CTDSPL: variants seen among roughly 807,000 people sequenced by gnomAD.
CTDSPL encodes CTD small phosphatase like.
In CTDSPL, 8 loss-of-function variants were observed where a neutral mutation model predicts 30.5. That is an observed-to-expected ratio of 0.26 (90% confidence interval 0.15 to 0.47). The LOEUF is 0.47. Ranked by LOEUF, CTDSPL falls within the 20% of genes least tolerant of loss-of-function variation. CTDSPL has a pLI of 0.99. For synonymous variants in CTDSPL, 110 were observed against 137.9 expected (o/e 0.80, Z 1.42); for missense variants, 248 against 366.1 (o/e 0.68, Z 2.63).
chr3:37,972,830 G>T (rs945565299), intron 6 of CTDSPL, among the ~76,000 whole-genome samples: 1 of 152,232 alleles, frequency 6.6e-6, no homozygotes, highest in African/African-American at 2.4e-5. Flanking sequence ...GTCTCCATGG[G>T]CATCTCAGGG....
At chr3:37,873,921 A>T (rs1171867360) in intron 1 of CTDSPL, among the ~76,000 whole-genome samples, 1 of 152,260 alleles carries the variant, frequency 6.6e-6, no homozygotes, top group African/African-American at 2.4e-5. Flanking sequence ...CTTCAAGTTC[A>T]TGAGTGTCCT....
chr3:37,889,154 G>T (rs1438005187), intron 1 of CTDSPL, among the ~76,000 whole-genome samples: 3 of 152,206 alleles, frequency 2.0e-5, no homozygotes, highest in Admixed American at 1.3e-4. Flanking sequence ...GCAGTAAGCA[G>T]GGAGGCCTTA....
intron 1 of CTDSPL, among the ~76,000 whole-genome samples, chr3:37,937,513 C>T (rs557905593): frequency 6.6e-6 from 1 of 150,628 alleles, no homozygotes; most frequent in East Asian, 1.9e-4. Flanking sequence ...GTTGAAGCAG[C>T]GCGAGACCCT....
At chr3:37,955,714 A>T (rs1400068226) in intron 2 of CTDSPL, among the ~76,000 whole-genome samples, 2 of 152,214 alleles carry the variant, frequency 1.3e-5, no homozygotes, top group African/African-American at 4.8e-5. Flanking sequence ...AAGGAGGGTG[A>T]GGATGAAAAG....
intron 1 of CTDSPL, among the ~76,000 whole-genome samples, chr3:37,913,262 G>A (rs910035744): frequency 3.9e-5 from 6 of 152,200 alleles, no homozygotes; most frequent in Non-Finnish European, 7.3e-5. Flanking sequence ...GGAGGTTGCA[G>A]TGAGCTGAGA....
intron 1 of CTDSPL, among the ~76,000 whole-genome samples, chr3:37,935,498 A>C (rs1362717298): frequency 2.7e-5 from 4 of 150,538 alleles, no homozygotes; most frequent in Non-Finnish European, 4.4e-5. Flanking sequence ...CTCAGATTCT[A>C]GACTCATACA....
chr3:37,922,239 A>G (rs77932154), intron 1 of CTDSPL, among the ~76,000 whole-genome samples: 4 of 146,176 alleles, frequency 2.7e-5, no homozygotes, highest in South Asian at 2.2e-4. Flanking sequence ...TGTCTCAAGG[A>G]AAAAAAAAAA....
At chr3:37,912,094 A>G (rs1698590074) in intron 1 of CTDSPL, among the ~76,000 whole-genome samples, 1 of 152,212 alleles carries the variant, frequency 6.6e-6, no homozygotes, top group Admixed American at 6.5e-5. Context: ...TCAGTTAACT[A>G]CAGTTCTGCA....
chr3:37,891,747 T>C (rs555615408), intron 1 of CTDSPL, among the ~76,000 whole-genome samples: 58 of 152,144 alleles, frequency 3.8e-4, no homozygotes, highest in Non-Finnish European at 7.2e-4. Flanking sequence ...AATAAAAAAT[T>C]TTTAAAAAAG....
At chr3:37,906,394 C>A (rs186331458) in intron 1 of CTDSPL, among the ~76,000 whole-genome samples, 3 of 152,182 alleles carry the variant, frequency 2.0e-5, no homozygotes, top group Admixed American at 6.5e-5. Flanking sequence ...CACTGCACTT[C>A]GGTCCGTTCT....
intron 1 of CTDSPL, among the ~76,000 whole-genome samples, chr3:37,940,543 G>A (rs759756940): frequency 6.7e-6 from 1 of 150,240 alleles, no homozygotes; most frequent in Non-Finnish European, 1.5e-5. Flanking sequence ...TTTCTTACGA[G>A]GTGCAAAGAT....
chr3:37,864,606 A>G (rs1219265834), intron 1 of CTDSPL, among the ~76,000 whole-genome samples: 1 of 152,188 alleles, frequency 6.6e-6, no homozygotes, highest in Non-Finnish European at 1.5e-5. Context: ...TAATGTCGCA[A>G]TAAACTCTAG....
At chr3:37,971,902 A>G (rs1215023510) in intron 6 of CTDSPL, among the ~76,000 whole-genome samples, 1 of 152,226 alleles carries the variant, frequency 6.6e-6, no homozygotes, top group African/African-American at 2.4e-5. Context: ...CAAGTGAGAG[A>G]TAAGTGTTGG....
intron 2 of CTDSPL, among the ~76,000 whole-genome samples, chr3:37,952,565 G>A (rs1351677324): frequency 6.6e-6 from 1 of 152,208 alleles, no homozygotes; most frequent in African/African-American, 2.4e-5. Context: ...GGAGACTTCT[G>A]CTTATGTCTT....
At chr3:37,926,762 T>G (rs1416483091) in intron 1 of CTDSPL, among the ~76,000 whole-genome samples, 1 of 152,224 alleles carries the variant, frequency 6.6e-6, no homozygotes, top group East Asian at 1.9e-4. Context: ...GCATTTATTA[T>G]CTGGAGGAGG....
At chr3:37,872,175 T>G (rs1698078716) in intron 1 of CTDSPL, among the ~76,000 whole-genome samples, 1 of 152,090 alleles carries the variant, frequency 6.6e-6, no homozygotes, top group Admixed American at 6.6e-5. Context: ...TTTGTATTTT[T>G]TGTAGAGTCG....
At chr3:37,871,878 T>TC (rs1195314507) in intron 1 of CTDSPL, among the ~76,000 whole-genome samples, 4 of 152,216 alleles carry the variant, frequency 2.6e-5, no homozygotes, top group African/African-American at 9.6e-5. Context: ...TGGGTTTTTT[T>TC]CCTTATTTCT....
chr3:37,914,855 A>T (rs973754608), intron 1 of CTDSPL, among the ~76,000 whole-genome samples: 3 of 124,348 alleles, frequency 2.4e-5, no homozygotes, highest in Admixed American at 8.0e-5. Flanking sequence ...GGAAGAGTTT[A>T]TATAAGATAT....
chr3:37,901,473 C>T (rs770399026), intron 1 of CTDSPL, among the ~76,000 whole-genome samples: 1 of 152,184 alleles, frequency 6.6e-6, no homozygotes, highest in African/African-American at 2.4e-5. Context: ...ACAGAGACAC[C>T]TCTTTGTGAG....
Sources: allele counts gnomAD v4.1 joint callset (sites outside exome capture counted in the v4.1 genomes callset), GRCh38; gene constraint gnomAD v4.1.1; transcripts MANE v1.5; gene names NCBI Gene and HGNC (gene_info 2026-07-23, HGNC 2026-07-21).